Variants in CPVL observed in about 807,000 individuals in gnomAD.
CPVL encodes probable serine carboxypeptidase CPVL.
In CPVL, 51 loss-of-function variants were observed where a neutral mutation model predicts 63.7. The observed-to-expected ratio is 0.80, with a 90% confidence interval of 0.64 to 1.01. CPVL has a LOEUF of 1.01. CPVL is among the 50% of genes least tolerant of loss of function. The probability of loss-of-function intolerance (pLI) is 0.00; values close to 1 mark genes in which losing one functional copy is unlikely to be tolerated. For missense variants in CPVL, 530 were observed against 573.1 expected, an observed-to-expected ratio of 0.92 and a Z score of 0.77; for synonymous variants, 195 against 206.0, an observed-to-expected ratio of 0.95 and a Z score of 0.46.
At chr7:29,155,258 A>G (rs746521000) in intron 5 of CPVL, among the ~76,000 whole-genome samples, 1 of 152,246 alleles carries the variant, frequency 6.6e-6, no homozygotes, top group African/African-American at 2.4e-5. Flanking sequence ...GCACCATTTC[A>G]GGGAAAACAA....
chr7:29,126,357 C>T (rs1300937104), intron 1 of CPVL: 2 of 152,176 alleles, frequency 1.3e-5, no homozygotes, highest in African/African-American at 2.4e-5. Context: ...TTTACCTGCA[C>T]ATACTGGGCT....
At chr7:29,026,080 A>G (rs1483201629) in intron 12 of CPVL, among the ~76,000 whole-genome samples, 2 of 152,216 alleles carry the variant, frequency 1.3e-5, no homozygotes, top group African/African-American at 4.8e-5. Flanking sequence ...CATTAAACAA[A>G]TCTCAACAAA....
At chr7:29,139,227 A>G (rs245867) in intron 1 of CPVL, among the ~76,000 whole-genome samples, 110,868 of 152,104 alleles carry the variant, frequency 0.73, 40,697 homozygotes, top group East Asian at 0.91. Flanking sequence ...TCACTTTGCC[A>G]ACAGGTATAT....
At chr7:29,030,438 A>AAAGTAGGGCC in intron 12 of CPVL, 139 bp downstream of exon 12, 1 of 782,164 alleles carries the variant, frequency 1.3e-6, no homozygotes, top group Non-Finnish European at 2.1e-6. Context: ...TTCTCTGTGG[A>AAAGTAGGGCC]AAGTAGGGCC....
chr7:29,110,909 G>A (rs548427813), intron 3 of CPVL, among the ~76,000 whole-genome samples: 1 of 152,310 alleles, frequency 6.6e-6, no homozygotes, highest in East Asian at 1.9e-4. Context: ...AAGGACTCAG[G>A]CTGCCTTTGC....
At chr7:29,176,634 A>G (rs916743388) in intron 5 of CPVL, among the ~76,000 whole-genome samples, 2 of 152,220 alleles carry the variant, frequency 1.3e-5, no homozygotes, top group African/African-American at 4.8e-5. Context: ...TTTTAGGAAG[A>G]AAAAAGAATA....
intron 7 of CPVL, among the ~76,000 whole-genome samples, chr7:29,074,088 G>C (rs773381975): frequency 6.6e-6 from 1 of 152,152 alleles, no homozygotes; most frequent in African/African-American, 2.4e-5. Context: ...ATTTCAAGAT[G>C]AGGACACTGA....
intron 1 of CPVL, chr7:29,194,863 T>G: frequency 7.7e-7 from 1 of 1,297,944 alleles, no homozygotes. Context: ...CCGCGGAGGC[T>G]GCGAGCGGCC....
chr7:29,140,875 C>G (rs557883311), intron 1 of CPVL, among the ~76,000 whole-genome samples: 6 of 152,278 alleles, frequency 3.9e-5, no homozygotes, highest in African/African-American at 1.4e-4. Flanking sequence ...GAGCTTTTCT[C>G]CACTTCACCC....
At position 29,095,058 on chromosome 7, in the gene CPVL, A is replaced by T. The variant is rs757592045; in HGVS notation, c.462+26T>A. On this transcript the variant is annotated intron_variant, in intron 5 of 12. Transcript: ENST00000265394. Reference sequence around the variant, plus strand: ...AAAGACAGGAGACGCCAGCACTGACAGCTCACAGGGTCATCCCGGACTTAC... The same window carrying T: ...AAAGACAGGAGACGCCAGCACTGACTGCTCACAGGGTCATCCCGGACTTAC... 7.6e-6 allele frequency: 12 copies of T among 1,588,940 alleles called. No individual in the cohort carries two copies. In the Admixed American group the frequency reaches 2.0e-4, roughly 26 times the overall value.
At chr7:29,171,882 T>A (rs1796654153) in intron 5 of CPVL, among the ~76,000 whole-genome samples, 1 of 152,198 alleles carries the variant, frequency 6.6e-6, no homozygotes, top group Non-Finnish European at 1.5e-5. Flanking sequence ...ACAAATGGAC[T>A]TACGAACTGA....
chr7:29,040,342 G>A (rs1788948465), intron 11 of CPVL, among the ~76,000 whole-genome samples: 1 of 152,212 alleles, frequency 6.6e-6, no homozygotes, highest in Non-Finnish European at 1.5e-5. Flanking sequence ...CTCAGCTGCA[G>A]AAGAAAACTT....
intron 12 of CPVL, among the ~76,000 whole-genome samples, chr7:29,029,808 C>G (rs549053568): frequency 1.1e-3 from 172 of 152,154 alleles, no homozygotes; most frequent in African/African-American, 3.5e-3. Flanking sequence ...TTGAAATGTT[C>G]CCAATATAAT....
rs766946851 is a variant in CPVL at position 29,097,960 on chromosome 7, C to A, written c.289-1743G>T. Reference sequence around the variant, plus strand: ...AGGAAGGCACAGTCGCCAGGCGAATCCCCCAGAACCACCTGAAAAAGCTCT... The same window carrying A: ...AGGAAGGCACAGTCGCCAGGCGAATACCCCAGAACCACCTGAAAAAGCTCT... On this transcript the variant is annotated intron_variant, in intron 3 of 12. Coordinates refer to ENST00000265394, the MANE Select transcript of CPVL (RefSeq NM_031311.5). Among the ~76,000 whole-genome samples the A allele has an allele frequency of 7.9e-5, 12 of 152,232 alleles. No individual in the cohort carries two copies. In the South Asian group the frequency reaches 2.5e-3, roughly 32 times the overall value.
chr7:29,090,445 C>T (rs1427253919), intron 6 of CPVL, among the ~76,000 whole-genome samples: 1 of 152,202 alleles, frequency 6.6e-6, no homozygotes, highest in African/African-American at 2.4e-5. Flanking sequence ...AGCAACACTA[C>T]ATATCATTTC....
At chr7:29,086,371 T>G (rs1425958797) in intron 7 of CPVL, 113 bp downstream of exon 7, 5 of 658,522 alleles carry the variant, frequency 7.6e-6, no homozygotes, top group Non-Finnish European at 1.3e-5. Context: ...AATATTGATA[T>G]GTATGTGTAC....
At chr7:29,015,323 AC>A (rs1786300221) in intron 12 of CPVL, among the ~76,000 whole-genome samples, 1 of 151,960 alleles carries the variant, frequency 6.6e-6, no homozygotes, top group South Asian at 2.1e-4. Context: ...CTGTGTCCCC[AC>A]CCAAATTGCT....
intron 12 of CPVL, among the ~76,000 whole-genome samples, chr7:29,024,332 C>A (rs1006125461): frequency 3.3e-5 from 5 of 152,180 alleles, no homozygotes; most frequent in Non-Finnish European, 7.4e-5. Context: ...AGAAAGCCTA[C>A]ATGACATATG....
At chr7:29,149,442 C>T (rs1016879540), upstream of CPVL, among the ~76,000 whole-genome samples, 6 of 152,052 alleles carry the variant, frequency 3.9e-5, no homozygotes, top group African/African-American at 1.4e-4. Context: ...TATCCACCTG[C>T]CTTGGCCTCC....
Sources: allele counts gnomAD v4.1 joint callset (sites outside exome capture counted in the v4.1 genomes callset), GRCh38; gene constraint gnomAD v4.1.1; transcripts MANE v1.5; gene names NCBI Gene and HGNC (gene_info 2026-07-23, HGNC 2026-07-21).